The following REEP4 variants were observed in gnomAD, a reference collection of about 807,000 sequenced individuals.
REEP4 encodes receptor accessory protein 4.
Under a neutral mutation model 33.5 loss-of-function variants are expected in REEP4, and 17 were observed. The ratio of observed to expected loss-of-function variants is 0.51; its 90% confidence interval spans 0.35 to 0.76. The LOEUF (loss-of-function observed/expected upper bound fraction) is 0.76. Among genes scored for constraint, REEP4 ranks in the 30% least tolerant of loss-of-function variants. The pLI is 0.01. For synonymous variants in REEP4, 157 were observed against 142.9 expected (o/e 1.10, Z -0.70); for missense variants, 340 against 357.9 (o/e 0.95, Z 0.40).
In REEP4 at chr8:22,138,393, G is replaced by A. The variant is rs776601183; in HGVS notation, c.*94C>T. 43 of 1,444,244 alleles carry A rather than the reference G, an allele frequency of 3.0e-5. No individual in the cohort carries two copies. Among genetic ancestry groups the A allele is most frequent in the Non-Finnish European group, 1.6e-5 (17 of 1,038,966 alleles). The allele number at this position is 1,444,244 out of a possible 1,614,324, so 89.5% of individuals were successfully genotyped here. ...CAGGAGGGTGGGGCCCAGGCAGCTG[G>A]TGCAGGCAGGCCAGATGTGCAGCCC... On this transcript the variant is annotated 3_prime_UTR_variant, in exon 8 of 8. Transcript: ENST00000306306.
At chr8:22,141,301 C>T (rs1466346025) in intron 1 of REEP4, 150 bp downstream of exon 1, 6 of 931,546 alleles carry the variant, frequency 6.4e-6, no homozygotes, top group Non-Finnish European at 8.0e-6. Flanking sequence ...CCAGACACCG[C>T]GTGCAAGCCC....
chr8:22,140,120 A>T (rs770812159), intron 3 of REEP4, 37 bp from the exon 4 acceptor site: 1 of 1,614,152 alleles, frequency 6.2e-7, no homozygotes, highest in Non-Finnish European at 8.5e-7. Flanking sequence ...GCCAAGGAGC[A>T]GGGCTGGGGG....
rs548604034 is a variant in REEP4 at position 22,140,952 on chromosome 8, G to T, written c.33-255C>A. Among the ~76,000 whole-genome samples, 433 of 152,362 alleles carry T rather than the reference G, an allele frequency of 2.8e-3. 1 individual carries two copies. Among genetic ancestry groups the T allele is most frequent in the Middle Eastern group, 6.8e-3 (2 of 294 alleles). On this transcript the variant is annotated intron_variant, in intron 1 of 7. Transcript: ENST00000306306. Reference sequence around the variant, plus strand: ...TGGAGTGAGAGGACAGCCACTCCACGAAGTGGGTGAGAACACCAGACTGTC... The same window carrying T: ...TGGAGTGAGAGGACAGCCACTCCACTAAGTGGGTGAGAACACCAGACTGTC...
At chr8:22,139,618 ACCCAG>A (rs147139227) in intron 4 of REEP4, 89 bp from the exon 5 acceptor site, 11 of 1,126,144 alleles carry the variant, frequency 9.8e-6, no homozygotes, top group Non-Finnish European at 1.4e-5. Context: ...TTGTGGCGCC[ACCCAG>A]CCCAGCCCAG....
At chr8:22,139,604 C>G in intron 4 of REEP4, 75 bp from the exon 5 acceptor site, 3 of 1,269,016 alleles carry the variant, frequency 2.4e-6, no homozygotes, top group Non-Finnish European at 3.3e-6. Context: ...TGAGAAGCCA[C>G]TGGTTGTGGC....
intron 1 of REEP4, 133 bp downstream of exon 1, chr8:22,141,318 C>A: frequency 1.8e-6 from 2 of 1,087,710 alleles, no homozygotes; most frequent in Middle Eastern, 2.0e-4. Flanking sequence ...GCCCACAGGT[C>A]CGTTAACCCT....
rs144696422 is a variant in REEP4 at position 22,138,169 on chromosome 8, C to A, written c.*318G>T. ...GAAGGAATGAACACACCCAGGTGGA[C>A]GTTTGGTTTCATTTGCAGGGGTTCA... On this transcript the variant is annotated 3_prime_UTR_variant, in exon 8 of 8. Coordinates refer to ENST00000306306, the MANE Select transcript of REEP4 (RefSeq NM_025232.4). 3 of 601,158 alleles carry A rather than the reference C, an allele frequency of 5.0e-6. No individual in the cohort carries two copies. The highest frequency in any genetic ancestry group is 1.9e-5 in the African/African-American group (1 of 53,868). 37.2% of individuals were successfully genotyped at this position (601,158 alleles called of 1,614,324 possible). A position where few individuals can be genotyped will look rare whatever the true frequency, so the allele number is the denominator to read the frequency against.
chr8:22,141,738 G>T lies in REEP4; in HGVS notation c.-256C>A, dbSNP rs573205955. The T allele has an allele frequency of 4.8e-6, 2 of 418,774 alleles. No homozygotes were observed. The highest frequency in any genetic ancestry group is 6.2e-5 in the South Asian group (1 of 16,078). 25.9% of individuals were successfully genotyped at this position (418,774 alleles called of 1,614,324 possible). On this transcript the variant is annotated 5_prime_UTR_variant, in exon 1 of 8. Coordinates refer to ENST00000306306, the MANE Select transcript of REEP4 (RefSeq NM_025232.4). ...TTGGGAGCGGGCGCGCCCCGCGGCC[G>T]GGGCAGTTACAGCTCCCACCCGCCC...
At chr8:22,139,940 C>A in intron 4 of REEP4, 23 bp downstream of exon 4, 3 of 1,566,072 alleles carry the variant, frequency 1.9e-6, no homozygotes, top group Non-Finnish European at 2.6e-6. Context: ...CTAAGCCTCC[C>A]TTCCCGCTTC....
In REEP4 at chr8:22,140,693, C is replaced by A; in HGVS notation, c.37G>T (p.Val13Leu). 3.7e-6 allele frequency: 6 copies of A among 1,612,916 alleles called. No homozygotes were observed. The highest frequency in any genetic ancestry group is 5.1e-6 in the Non-Finnish European group (6 of 1,179,314). The change falls in exon 2 of 8, where the codon GTG (valine) becomes TTG (leucine). Residue 13 changes from valine to leucine, a missense_variant. Physicochemically the swap from Val to Leu is conservative, Grantham distance 32. Transcript: ENST00000306306. ...SWMICRLVVLVFGMLCPAYAS... is the reference protein window; with the variant it reads ...SWMICRLVVLLFGMLCPAYAS... ...TAAGCTGGACACAGCATCCCAAACA[C>A]CAGCCTGGAAGAGCAGCCATGGGGA...
At position 22,139,962 on chromosome 8, in the gene REEP4, C is replaced by T; in HGVS notation, c.303+1G>A. On this transcript the variant is annotated splice_donor_variant, in intron 4 of 7. Transcript: ENST00000306306. LOFTEE classifies it high-confidence loss of function. ...TCCCTTCCCGCTTCCCCCTGGGGTA[C>T]CTTCTCATGGCGGGACAGGGACGGG... is the stretch of plus-strand genomic sequence containing the variant. 6.3e-7 allele frequency: 1 copy of T among 1,587,326 alleles called. No homozygotes were observed. Among genetic ancestry groups the T allele is most frequent in the Non-Finnish European group, 8.6e-7 (1 of 1,165,804 alleles).
In REEP4 at chr8:22,139,987, G is replaced by A. The variant is rs1386608782; in HGVS notation, c.279C>T (p.His93=). 2.5e-6 allele frequency: 4 copies of A among 1,583,714 alleles called. No homozygotes were observed. The highest frequency in any genetic ancestry group is 3.4e-6 in the Non-Finnish European group (4 of 1,163,792). ...CCTTCTCATGGCGGGACAGGGACGG[G>A]TGGACAAACTTGCGGTAAAGCAGGC... ...GASLLYRKFV[H]PSLSRHEKEI... is the part of the protein sequence containing the mutation. The change falls in exon 4 of 8, where the codon CAC becomes CAT. Residue 93 remains histidine, a synonymous_variant. Transcript: ENST00000306306.
At position 22,140,259 on chromosome 8, in the gene REEP4, A is replaced by C; in HGVS notation, c.106-11T>G. On this transcript the variant is annotated splice_polypyrimidine_tract_variant and intron_variant, in intron 2 of 7. Transcript: ENST00000306306. ...CATCATCCACCGCACCTGTGGGGTG[A>C]GCGCCCAGAGGTCAGCATGGGGCCT... 1 of 1,613,384 alleles carries C rather than the reference A, an allele frequency of 6.2e-7. No individual in the cohort carries two copies. The highest frequency in any genetic ancestry group is 8.5e-7 in the Non-Finnish European group (1 of 1,179,372).
Position 22,138,485 on chromosome 8 carries a change from C to A in REEP4, c.*2G>T, listed in dbSNP as rs2131779617. The stretch of plus-strand genomic sequence containing the variant: ...GTAAGAAGGGGGCAGATGCAGCAGA[C>A]CCTAGCTGTCCACGTCTGAGGGCAC... On this transcript the variant is annotated 3_prime_UTR_variant, in exon 8 of 8. Transcript: ENST00000306306. 1.2e-6 allele frequency: 2 copies of A among 1,613,422 alleles called. No homozygotes were observed. Among genetic ancestry groups the A allele is most frequent in the East Asian group, 2.2e-5 (1 of 44,882 alleles).
intron 6 of REEP4, 54 bp downstream of exon 6, chr8:22,138,872 G>T: frequency 6.5e-7 from 1 of 1,550,254 alleles, no homozygotes; most frequent in Non-Finnish European, 8.7e-7. Flanking sequence ...GCCATGGTGT[G>T]AGTGAAGGAA....
chr8:22,139,041 G>A lies in REEP4; in HGVS notation c.438C>T (p.Gly146=). 1 of 1,571,728 alleles carries A rather than the reference G, an allele frequency of 6.4e-7. No individual in the cohort carries two copies. Among genetic ancestry groups the A allele is most frequent in the Non-Finnish European group, 8.6e-7 (1 of 1,160,890 alleles). ...CCTGCATGGAGAAGCTCCGCAGCCT[G>A]CCGGCCAGCGCCCCCTGACTCTGCG... is the stretch of plus-strand genomic sequence containing the variant. ...AATKSQGALA[G]RLRSFSMQDL... Residue 146 remains glycine (G), a synonymous_variant, in exon 6 of 8, where the codon GGC becomes GGT. Transcript: ENST00000306306.
chr8:22,141,829 G>C lies in REEP4; in HGVS notation c.-347C>G, dbSNP rs1252374156. Reference sequence around the variant, plus strand: ...GTCCCGCGCTGGAGCGGGTCGCCGCGGTTCCAGCGCGCCGGGCCACCAGCA... The same window carrying C: ...GTCCCGCGCTGGAGCGGGTCGCCGCCGTTCCAGCGCGCCGGGCCACCAGCA... On this transcript the variant is annotated 5_prime_UTR_variant, in exon 1 of 8. Coordinates refer to ENST00000306306, the MANE Select transcript of REEP4 (RefSeq NM_025232.4). 5 of 302,542 alleles carry C rather than the reference G, an allele frequency of 1.7e-5. No individual in the cohort carries two copies. The South Asian group carries it at 2.7e-4, about 17-fold the overall frequency. 18.7% of individuals were successfully genotyped at this position (302,542 alleles called of 1,614,324 possible). A position where few individuals can be genotyped will look rare whatever the true frequency, so the allele number is the denominator to read the frequency against.
intron 4 of REEP4, chr8:22,139,744 T>C: frequency 2.8e-6 from 2 of 702,998 alleles, no homozygotes; most frequent in Non-Finnish European, 4.7e-6. Flanking sequence ...CCGCCACCAC[T>C]ACCCCCAAAC....
At chr8:22,139,781 T>A in intron 4 of REEP4, 182 bp downstream of exon 4, 1 of 809,012 alleles carries the variant, frequency 1.2e-6, no homozygotes, top group African/African-American at 1.7e-5. Context: ...AGGTCATTCA[T>A]GTGTACCCCC....
Sources: gnomAD v4.1 joint callset for allele counts (sites outside exome capture counted in the v4.1 genomes callset) on GRCh38, gnomAD v4.1.1 for gene constraint, MANE v1.5 for transcripts, NCBI Gene and HGNC (gene_info 2026-07-23, HGNC 2026-07-21) for gene names.